The following RNF220 variants were observed in gnomAD, a reference collection of about 807,000 sequenced individuals.
RNF220 encodes ring finger protein 220, also known as E3 ubiquitin-protein ligase RNF220.
Under a neutral mutation model 67.1 loss-of-function variants are expected in RNF220, and 7 were observed. The observed-to-expected ratio is 0.10, with a 90% CI of 0.06 to 0.20. The LOEUF is 0.20. RNF220 is among the 10% of genes least tolerant of loss of function. The probability of loss-of-function intolerance (pLI) is 1.00; values close to 1 mark genes in which losing one functional copy is unlikely to be tolerated. For synonymous variants in RNF220, 270 were observed against 283.2 expected (o/e 0.95, Z 0.47); for missense variants, 565 against 740.3 (o/e 0.76, Z 2.75).
chr1:44,570,418 G>A (rs1049414466), intron 2 of RNF220, among the ~76,000 whole-genome samples: 8 of 152,124 alleles, frequency 5.3e-5, no homozygotes, highest in East Asian at 1.9e-4. Flanking sequence ...CTGTTTGTCC[G>A]TTCCATTTGG....
chr1:44,520,277 A>T (rs1659828241), intron 2 of RNF220, among the ~76,000 whole-genome samples: 1 of 152,026 alleles, frequency 6.6e-6, no homozygotes. Context: ...CCTGGCTAAC[A>T]CAGTGAAACC....
intron 2 of RNF220, among the ~76,000 whole-genome samples, chr1:44,520,435 C>A (rs551386129): frequency 2.2e-4 from 33 of 152,286 alleles, no homozygotes; most frequent in Non-Finnish European, 3.8e-4. Context: ...CACTGCACTC[C>A]AGCCTGGGTG....
At chr1:44,466,678 A>C (rs1484519227) in intron 2 of RNF220, among the ~76,000 whole-genome samples, 1 of 152,236 alleles carries the variant, frequency 6.6e-6, no homozygotes, top group Non-Finnish European at 1.5e-5. Flanking sequence ...ATCAGAGCAC[A>C]TGGGTGACCA....
intron 2 of RNF220, among the ~76,000 whole-genome samples, chr1:44,568,620 A>G (rs997937148): frequency 3.9e-5 from 6 of 152,222 alleles, no homozygotes; most frequent in African/African-American, 1.2e-4. Flanking sequence ...GTTTCTCTGT[A>G]GTCCTTGCCC....
chr1:44,501,232 TG>T (rs890032778), intron 2 of RNF220, among the ~76,000 whole-genome samples: 7 of 60,060 alleles, frequency 1.2e-4, no homozygotes, highest in Admixed American at 3.5e-4. Flanking sequence ...GGGAAGGGTG[TG>T]GGGGGGTGAC....
intron 2 of RNF220, among the ~76,000 whole-genome samples, chr1:44,597,107 G>C (rs891397609): frequency 4.6e-5 from 7 of 152,132 alleles, no homozygotes; most frequent in African/African-American, 1.7e-4. Context: ...GCTATAGAGT[G>C]CATCCAGCTC....
chr1:44,535,693 G>C (rs1001860937), intron 2 of RNF220, among the ~76,000 whole-genome samples: 1 of 152,180 alleles, frequency 6.6e-6, no homozygotes, highest in African/African-American at 2.4e-5. Flanking sequence ...CAGGCAAAGT[G>C]GGACTGACCC....
Position 44,632,401 on chromosome 1 carries a change from C to CCCCAGCCCA in RNF220, c.949+19_949+20insAGCCCACCC. ...CGACTGAATGGTGAGTCCTGCCCGGCCCCTCCCTCCGCCCCACCCCCGGCC... is the reference window on the plus strand; with the variant it reads ...CGACTGAATGGTGAGTCCTGCCCGGCCCCAGCCCACCCTCCCTCCGCCCCACCCCCGGCC... On this transcript the variant is annotated intron_variant, in intron 6 of 14. Coordinates refer to ENST00000361799, the MANE Select transcript of RNF220 (RefSeq NM_018150.4). 2 of 1,596,300 alleles carry CCCCAGCCCA rather than the reference C, an allele frequency of 1.3e-6. No homozygotes were observed. The highest frequency in any genetic ancestry group is 2.3e-5 in the East Asian group (1 of 44,348).
At chr1:44,612,146 C>T (rs1275696369) in intron 2 of RNF220, among the ~76,000 whole-genome samples, 1 of 152,238 alleles carries the variant, frequency 6.6e-6, no homozygotes, top group Non-Finnish European at 1.5e-5. Context: ...GACCTTGCCA[C>T]ACGGACTGAA....
chr1:44,415,920 CAT>C (rs1221006937), intron 2 of RNF220, among the ~76,000 whole-genome samples: 1 of 152,224 alleles, frequency 6.6e-6, no homozygotes, highest in Admixed American at 6.5e-5. Flanking sequence ...GTAATGCACA[CAT>C]GTTCTTTCCT....
chr1:44,572,198 G>C (rs958382856), intron 2 of RNF220, among the ~76,000 whole-genome samples: 4 of 152,220 alleles, frequency 2.6e-5, no homozygotes, highest in Admixed American at 2.6e-4. Flanking sequence ...GGCAGTCTGG[G>C]GACATGTGAC....
intron 2 of RNF220, among the ~76,000 whole-genome samples, chr1:44,564,765 A>AT (rs1663856034): frequency 6.6e-6 from 1 of 151,832 alleles, no homozygotes; most frequent in African/African-American, 2.4e-5. Flanking sequence ...AAAAAAAAAA[A>AT]AAAAGAACCA....
intron 2 of RNF220, among the ~76,000 whole-genome samples, chr1:44,497,060 C>T (rs1023973701): frequency 6.6e-5 from 10 of 152,058 alleles, no homozygotes; most frequent in African/African-American, 2.4e-4. Context: ...GGGATAGGAC[C>T]CCTGGGACAG....
At position 44,645,071 on chromosome 1, in the gene RNF220, G is replaced by A. The variant is rs200720362; in HGVS notation, c.1300G>A (p.Ala434Thr). 5 of 1,614,130 alleles carry A rather than the reference G, an allele frequency of 3.1e-6. No individual in the cohort carries two copies. Among genetic ancestry groups the A allele is most frequent in the South Asian group, 2.2e-5 (2 of 91,080 alleles). ...EAKEREALRG[A>T]VLNGGPPSTR... Reference sequence around the variant, plus strand: ...CAAGGAGAGAGAGGCACTTCGGGGCGCAGTCCTAAAGCAAGTGTGGGCACA... The same window carrying A: ...CAAGGAGAGAGAGGCACTTCGGGGCACAGTCCTAAAGCAAGTGTGGGCACA... The change falls in exon 10 of 15, where the codon GCA (alanine) becomes ACA (threonine). Residue 434 changes from alanine (A) to threonine (T), a missense_variant. Transcript: ENST00000361799. This position sits in a 1 kb window ranked among gnomAD's most constrained non-coding sequence, Gnocchi z 5.0.
At chr1:44,532,932 G>A (rs1409543446) in intron 2 of RNF220, among the ~76,000 whole-genome samples, 1 of 152,198 alleles carries the variant, frequency 6.6e-6, no homozygotes, top group Non-Finnish European at 1.5e-5. Flanking sequence ...GCTCCCTAGG[G>A]GAAGTCGGTG....
intron 2 of RNF220, among the ~76,000 whole-genome samples, chr1:44,575,012 G>T (rs146593983): frequency 6.6e-6 from 1 of 152,226 alleles, no homozygotes; most frequent in African/African-American, 2.4e-5. Context: ...CTACGTACTG[G>T]AAACATTTCA....
intron 2 of RNF220, among the ~76,000 whole-genome samples, chr1:44,495,074 G>A (rs1267296187): frequency 6.6e-6 from 1 of 152,016 alleles, no homozygotes; most frequent in African/African-American, 2.4e-5. Flanking sequence ...TTAGCTGGGT[G>A]TGGTGGCACA....
intron 7 of RNF220, 34 bp from the exon 8 acceptor site, chr1:44,635,996 T>A (rs754920055): frequency 6.2e-7 from 1 of 1,614,016 alleles, no homozygotes; most frequent in Non-Finnish European, 8.5e-7. Flanking sequence ...GGGGATGGCC[T>A]GGGCCCAGCA....
chr1:44,497,491 G>T (rs1350681103), intron 2 of RNF220, among the ~76,000 whole-genome samples: 1 of 152,046 alleles, frequency 6.6e-6, no homozygotes, highest in African/African-American at 2.4e-5. Flanking sequence ...GGAACATCAG[G>T]TCTCATCAGG....
Sources: gnomAD v4.1 joint callset for allele counts (sites outside exome capture counted in the v4.1 genomes callset) on GRCh38, gnomAD v4.1.1 for gene constraint, Gnocchi (gnomAD v3.1) non-coding constraint, MANE v1.5 for transcripts, NCBI Gene and HGNC (gene_info 2026-07-23, HGNC 2026-07-21) for gene names.